LHFPL6: variants seen among roughly 807,000 people sequenced by gnomAD.
The protein encoded by LHFPL6 is LHFPL tetraspan subfamily member 6 protein.
LHFPL6 carries 9 observed loss-of-function variants against 20.6 expected under a neutral mutation model. That is an observed-to-expected ratio of 0.44 (90% CI 0.26 to 0.76). LHFPL6 has a LOEUF of 0.76. LHFPL6 is among the 30% of genes least tolerant of loss of function. The probability of loss-of-function intolerance (pLI) is 0.20; values close to 1 mark genes in which losing one functional copy is unlikely to be tolerated. For synonymous variants in LHFPL6, 105 were observed against 98.7 expected (o/e 1.06, Z -0.38); for missense variants, 218 against 253.5 (o/e 0.86, Z 0.95).
chr13:39,385,474 A>G (rs1455747808), intron 2 of LHFPL6, among the ~76,000 whole-genome samples: 2 of 152,268 alleles, frequency 1.3e-5, no homozygotes, highest in African/African-American at 4.8e-5. Context: ...TCTGTTCTTT[A>G]GCTCCAAATG....
intron 2 of LHFPL6, among the ~76,000 whole-genome samples, chr13:39,525,226 G>A (rs1870251029): frequency 2.0e-5 from 3 of 152,150 alleles, no homozygotes; most frequent in South Asian, 4.2e-4. Context: ...ATTCGTTTAA[G>A]AGTCATTTTC....
At chr13:39,525,563 T>C (rs764925054) in intron 2 of LHFPL6, among the ~76,000 whole-genome samples, 1 of 152,250 alleles carries the variant, frequency 6.6e-6, no homozygotes, top group Middle Eastern at 3.4e-3. Flanking sequence ...GTAAATAGCA[T>C]GAGGCCACTG....
At chr13:39,412,696 G>A (rs574744051) in intron 2 of LHFPL6, among the ~76,000 whole-genome samples, 210 of 152,258 alleles carry the variant, frequency 1.4e-3, no homozygotes, top group Non-Finnish European at 6.5e-4. Context: ...AGGCCAAGGC[G>A]GGTGGATCAC....
intron 2 of LHFPL6, among the ~76,000 whole-genome samples, chr13:39,397,288 G>A (rs1593297419): frequency 1.3e-5 from 2 of 152,046 alleles, no homozygotes; most frequent in African/African-American, 4.8e-5. Flanking sequence ...ACAACATCAC[G>A]GCTCACATGC....
chr13:39,507,354 T>C (rs1343918244), intron 2 of LHFPL6, among the ~76,000 whole-genome samples: 8 of 152,106 alleles, frequency 5.3e-5, no homozygotes, highest in Non-Finnish European at 1.2e-4. Flanking sequence ...GTCTAGCAAG[T>C]TTGGGGTTTT....
At chr13:39,463,589 C>T (rs984414361) in intron 2 of LHFPL6, among the ~76,000 whole-genome samples, 2 of 152,148 alleles carry the variant, frequency 1.3e-5, no homozygotes, top group Admixed American at 6.5e-5. Flanking sequence ...CAGGTAGGTG[C>T]CTCCGAAAGT....
intron 3 of LHFPL6, among the ~76,000 whole-genome samples, chr13:39,358,480 T>C (rs1253728389): frequency 6.6e-6 from 1 of 151,958 alleles, no homozygotes. Context: ...AACATAGGTG[T>C]GGGTAAAGAA....
intron 2 of LHFPL6, among the ~76,000 whole-genome samples, chr13:39,578,294 A>G (rs4142372): frequency 0.76 from 115,994 of 152,102 alleles, 44,900 homozygotes; most frequent in Middle Eastern, 0.85. Flanking sequence ...GCATAAAGCA[A>G]CAGCCGCGGA....
intron 2 of LHFPL6, among the ~76,000 whole-genome samples, chr13:39,460,964 T>C (rs2138428716): frequency 6.6e-6 from 1 of 152,250 alleles, no homozygotes; most frequent in Non-Finnish European, 1.5e-5. Context: ...TGATAGGTAG[T>C]TTTTCAATCC....
At chr13:39,388,591 A>G (rs1870625835) in intron 2 of LHFPL6, among the ~76,000 whole-genome samples, 1 of 152,182 alleles carries the variant, frequency 6.6e-6, no homozygotes, top group African/African-American at 2.4e-5. Flanking sequence ...CTTATCTGTA[A>G]AATGGGGGAA....
chr13:39,385,819 G>C (rs1870550074), intron 2 of LHFPL6, among the ~76,000 whole-genome samples: 1 of 152,118 alleles, frequency 6.6e-6, no homozygotes, highest in African/African-American at 2.4e-5. Context: ...CTCCACAGGT[G>C]GTAAGAATAG....
chr13:39,559,998 T>G (rs1469500873), intron 2 of LHFPL6, among the ~76,000 whole-genome samples: 2 of 152,142 alleles, frequency 1.3e-5, no homozygotes, highest in Non-Finnish European at 2.9e-5. Context: ...AGACAACTGG[T>G]GCAGCATGCC....
rs958352140 is a variant in LHFPL6 at position 39,396,576 on chromosome 13, G to A, written c.386-18050C>T. ...TTTAGGAGGCCAAGGCAGGAGGATTGCTTGAGCCCAGGAGTTCAAGACCGG... is the reference window on the plus strand; with the variant it reads ...TTTAGGAGGCCAAGGCAGGAGGATTACTTGAGCCCAGGAGTTCAAGACCGG... On this transcript the variant is annotated intron_variant, in intron 2 of 3. Coordinates refer to ENST00000379589, the MANE Select transcript of LHFPL6 (RefSeq NM_005780.3). Among the ~76,000 whole-genome samples, 8 of 152,014 alleles carry A rather than the reference G, an allele frequency of 5.3e-5. No individual in the cohort carries two copies. In the East Asian group the frequency reaches 1.5e-3, roughly 29 times the overall value.
chr13:39,406,763 G>A (rs9566422), intron 2 of LHFPL6, among the ~76,000 whole-genome samples: 41,711 of 151,854 alleles, frequency 0.27, 6,033 homozygotes, highest in East Asian at 0.4. Context: ...AATATTATGG[G>A]GTGATTCTCT....
chr13:39,375,159 A>G (rs528923932), intron 3 of LHFPL6, among the ~76,000 whole-genome samples: 1 of 152,318 alleles, frequency 6.6e-6, no homozygotes, highest in South Asian at 2.1e-4. Flanking sequence ...GCAGAAACAA[A>G]CTTGGATTCT....
At chr13:39,586,296 C>T (rs1872445236) in intron 2 of LHFPL6, among the ~76,000 whole-genome samples, 1 of 152,090 alleles carries the variant, frequency 6.6e-6, no homozygotes, top group Admixed American at 6.5e-5. Flanking sequence ...CATCAGTATT[C>T]CCCTTTTAAG....
At chr13:39,457,391 A>G (rs1872595831) in intron 2 of LHFPL6, among the ~76,000 whole-genome samples, 1 of 152,194 alleles carries the variant, frequency 6.6e-6, no homozygotes, top group Non-Finnish European at 1.5e-5. Flanking sequence ...CAACATCACT[A>G]GTTATTAGGG....
At chr13:39,361,922 G>A (rs1869882516) in intron 3 of LHFPL6, among the ~76,000 whole-genome samples, 1 of 152,254 alleles carries the variant, frequency 6.6e-6, no homozygotes, top group East Asian at 1.9e-4. Context: ...GGAGGGAAAA[G>A]GGCAGGAGGG....
Position 39,575,722 on chromosome 13 carries a change from G to A in LHFPL6, c.385+25110C>T, listed in dbSNP as rs141543751. On this transcript the variant is annotated intron_variant, in intron 2 of 3. Transcript: ENST00000379589. ...GTGGGAAGGACATGGGGACAGCTGT[G>A]GAGTGGGGAGCTCCTTCCGCTGTGG... Among the ~76,000 whole-genome samples, 75 of 152,264 alleles carry A rather than the reference G, an allele frequency of 4.9e-4. 3 individuals carry two copies. The East Asian group carries it at 0.014, about 29-fold the overall frequency.
Sources: allele counts gnomAD v4.1 joint callset (sites outside exome capture counted in the v4.1 genomes callset), GRCh38; gene constraint gnomAD v4.1.1; transcripts MANE v1.5; gene names NCBI Gene and HGNC (gene_info 2026-07-23, HGNC 2026-07-21).